The following HHATL variants were observed in gnomAD, a reference collection of about 807,000 sequenced individuals.
HHATL encodes hedgehog acyltransferase like, also known as protein-cysteine N-palmitoyltransferase HHAT-like protein.
HHATL carries 49 observed loss-of-function variants against 59.7 expected under a neutral mutation model. The observed-to-expected ratio is 0.82, with a 90% CI of 0.65 to 1.04. The LOEUF (loss-of-function observed/expected upper bound fraction) is 1.04. HHATL is among the 50% of genes least tolerant of loss of function. The pLI, the probability that HHATL is intolerant of heterozygous loss-of-function variation, is 0.00. For synonymous variants in HHATL, 238 were observed against 257.3 expected, an observed-to-expected ratio of 0.93 and a Z score of 0.72; for missense variants, 605 against 650.8, an observed-to-expected ratio of 0.93 and a Z score of 0.77.
rs1463866036 is a variant in HHATL, at chr3:42,700,775, C to G, written c.52G>C (p.Val18Leu). Residue 18 changes from valine (V) to leucine (L), a missense_variant, in exon 2 of 12, where the codon GTG (valine) becomes CTG (leucine). Val to Leu is a conservative substitution (Grantham distance 32). Coordinates refer to ENST00000441594, the MANE Select transcript of HHATL (RefSeq NM_020707.4). ...PAAELGLYSL[V>L]LSGALAYAGR... ...GCATAGGCCAGGGCCCCACTCAGCA[C>G]CAGAGAGTAGAGGCCCAGCTCAGCC... The G allele has an allele frequency of 6.2e-7, 1 of 1,613,796 alleles. No individual in the cohort carries two copies. Among genetic ancestry groups the G allele is most frequent in the Non-Finnish European group, 8.5e-7 (1 of 1,179,886 alleles).
At chr3:42,697,476 G>C (rs376136471) in intron 7 of HHATL, 32 bp downstream of exon 7, 1 of 1,600,860 alleles carries the variant, frequency 6.2e-7, no homozygotes, top group Admixed American at 1.7e-5. Context: ...TGGGGCGGCA[G>C]CCCTGCCCCC....
chr3:42,702,400 A>T (rs1457348898), intron 1 of HHATL, among the ~76,000 whole-genome samples, 179 bp downstream of exon 1: 1 of 151,894 alleles, frequency 6.6e-6, no homozygotes, highest in East Asian at 1.9e-4. Context: ...CTCCTGATAG[A>T]CCCCCAGACC....
chr3:42,696,685 A>G (rs1027057794), intron 9 of HHATL, among the ~76,000 whole-genome samples, 157 bp downstream of exon 9: 2 of 151,974 alleles, frequency 1.3e-5, no homozygotes, highest in African/African-American at 2.4e-5. Context: ...CCTAACTTCT[A>G]TATCTTTCAC....
intron 5 of HHATL, 82 bp from the exon 6 acceptor site, chr3:42,698,433 C>T (rs1697754882): frequency 7.6e-7 from 1 of 1,314,258 alleles, no homozygotes; most frequent in Non-Finnish European, 1.1e-6. Context: ...CCTAGCTTCC[C>T]ACAGGGGCCC....
At position 42,701,155 on chromosome 3, in the gene HHATL, C is replaced by A; in HGVS notation, c.-13-316G>T. ...ACCTTCCAGAGGCACCGGCCCCACC[C>A]TCTGCCAAAACCGCTCCTGCCAAGG... On this transcript the variant is annotated intron_variant, in intron 1 of 11. Transcript: ENST00000441594. This position sits in a 1 kb window ranked among gnomAD's most constrained non-coding sequence, Gnocchi z 5.1. 3.2e-6 allele frequency: 1 copy of A among 316,200 alleles called. No homozygotes were observed. Among genetic ancestry groups the A allele is most frequent in the Non-Finnish European group, 6.0e-6 (1 of 167,320 alleles). The allele number at this position is 316,200 out of a possible 1,614,324, so 19.6% of individuals were successfully genotyped here.
At chr3:42,697,301 G>T (rs373145258) in intron 7 of HHATL, among the ~76,000 whole-genome samples, 156 bp from the exon 8 acceptor site, 1 of 152,294 alleles carries the variant, frequency 6.6e-6, no homozygotes, top group African/African-American at 2.4e-5. Flanking sequence ...TGGTGAAGTG[G>T]GTGGGGTCCG....
intron 1 of HHATL, 38 bp from the exon 2 acceptor site, chr3:42,700,877 A>T (rs1487142623): frequency 7.2e-7 from 1 of 1,392,422 alleles, no homozygotes; most frequent in Non-Finnish European, 1.0e-6. Context: ...TACAGTCTCC[A>T]GCCAAGCCTA....
At chr3:42,698,465 C>G in intron 5 of HHATL, 114 bp from the exon 6 acceptor site, 2 of 1,071,564 alleles carry the variant, frequency 1.9e-6, no homozygotes, top group Non-Finnish European at 2.7e-6. Flanking sequence ...GTCCCTTCCT[C>G]TCTTCCAGAG....
intron 7 of HHATL, 48 bp downstream of exon 7, chr3:42,697,459 GT>G: frequency 6.3e-7 from 1 of 1,579,868 alleles, no homozygotes; most frequent in South Asian, 1.2e-5. Flanking sequence ...CAGAGGGTCT[GT>G]TTTCCTGGGG....
Position 42,692,804 on chromosome 3 carries a change from G to A in HHATL, c.1462C>T (p.Arg488Ter), listed in dbSNP as rs575198097. ...CGVQLVKERERTLALEEEQKQ... is the reference protein window; with the variant it reads ...CGVQLVKERE The stretch of plus-strand genomic sequence containing the variant: ...TGCTCCTCCTCCAGTGCCAAGGTTC[G>A]CTCACGCTCCTTTACCAGCTGGACG... The change falls in exon 12 of 12, where the codon CGA (arginine) becomes TGA (stop). Residue 488 changes from arginine (R) to a stop codon, truncating the protein, a stop_gained. Transcript: ENST00000441594. LOFTEE classifies it high-confidence loss of function. The A allele has an allele frequency of 2.3e-5, 37 of 1,614,188 alleles. No individual in the cohort carries two copies. Among genetic ancestry groups the A allele is most frequent in the Middle Eastern group, 3.3e-4 (2 of 6,062 alleles).
rs149595115 is a variant in HHATL, at chr3:42,693,745, C to T, written c.1120G>A (p.Ala374Thr). ...GGCCCAAGCCACAGTGTGGTGATGG[C>T]AAATGTGGCCACTGTGGCTGCCAGC... ...PELAATVATF[A>T]ITTLWLGPCD... The change falls in exon 10 of 12, where the codon GCC (alanine) becomes ACC (threonine). Residue 374 changes from alanine (A) to threonine (T), a missense_variant. Physicochemically the swap from Ala to Thr is moderately conservative, Grantham distance 58. Transcript: ENST00000441594. The T allele has an allele frequency of 7.3e-4, 1,183 of 1,614,154 alleles. 2 individuals carry two copies. The highest frequency in any genetic ancestry group is 9.7e-4 in the Non-Finnish European group (1,149 of 1,180,006).
At position 42,700,820 on chromosome 3, in the gene HHATL, T is replaced by A; in HGVS notation, c.7A>T (p.Ile3Phe). 1 of 1,613,266 alleles carries A rather than the reference T, an allele frequency of 6.2e-7. No individual in the cohort carries two copies. Among genetic ancestry groups the A allele is most frequent in the Non-Finnish European group, 8.5e-7 (1 of 1,179,338 alleles). Reference protein sequence around the residue: MGIKTALPAAELG... With the variant: MGFKTALPAAELG... Reference sequence around the variant, plus strand: ...TCAGCCGCCGGCAATGCTGTCTTGATGCCCATAGCCTGGACAGGGCTGGGG... The same window carrying A: ...TCAGCCGCCGGCAATGCTGTCTTGAAGCCCATAGCCTGGACAGGGCTGGGG... Residue 3 changes from isoleucine (I) to phenylalanine (F), a missense_variant, in exon 2 of 12, where the codon ATC (isoleucine) becomes TTC (phenylalanine). Transcript: ENST00000441594.
intron 2 of HHATL, among the ~76,000 whole-genome samples, chr3:42,700,136 C>T (rs550231274): frequency 9.6e-6 from 1 of 103,850 alleles, no homozygotes; most frequent in Admixed American, 1.0e-4. Context: ...GTCTAGGTCT[C>T]TGTGTGTGTG....
At chr3:42,700,278 CTGTG>C (rs1448176362) in intron 2 of HHATL, among the ~76,000 whole-genome samples, 3 of 138,110 alleles carry the variant, frequency 2.2e-5, no homozygotes, top group South Asian at 2.3e-4. Context: ...GTCCAGGTCT[CTGTG>C]TGTGTATGTG....
rs1420201759 is a variant in HHATL, at chr3:42,701,796, A to G, written c.-14+783T>C. ...CTTCCCAAGGACTCCATGGATACAG[A>G]CATAGGACCCAAATTAAAGGGAGGA... On this transcript the variant is annotated intron_variant, in intron 1 of 11. Coordinates refer to ENST00000441594, the MANE Select transcript of HHATL (RefSeq NM_020707.4). This position sits in a 1 kb window ranked among gnomAD's most constrained non-coding sequence, Gnocchi z 5.1. 6.6e-6 allele frequency among the ~76,000 whole-genome samples: 1 copy of G among 152,202 alleles called. No individual in the cohort carries two copies. Among genetic ancestry groups the G allele is most frequent in the Non-Finnish European group, 1.5e-5 (1 of 68,024 alleles).
Position 42,699,139 on chromosome 3 carries a change from C to A in HHATL, c.181G>T (p.Ala61Ser), listed in dbSNP as rs1697811896. The A allele has an allele frequency of 6.2e-7, 1 of 1,613,538 alleles. No homozygotes were observed. Among genetic ancestry groups the A allele is most frequent in the Non-Finnish European group, 8.5e-7 (1 of 1,179,592 alleles). Residue 61 changes from alanine to serine, a missense_variant, in exon 4 of 12, where the codon GCT becomes TCT. Ala to Ser is a moderately conservative substitution (Grantham distance 99). Coordinates refer to ENST00000441594, the MANE Select transcript of HHATL (RefSeq NM_020707.4). ...AACCACATCACCCACTCGAAGTCAG[C>A]CACATCCTGGGGCAGTCCGGGGCAG... Reference protein sequence around the residue: ...WEYIGRKMDVADFEWVMWFTS... With the variant: ...WEYIGRKMDVSDFEWVMWFTS...
chr3:42,695,553 A>G (rs554782645), intron 9 of HHATL, among the ~76,000 whole-genome samples: 2 of 152,270 alleles, frequency 1.3e-5, no homozygotes, highest in South Asian at 2.1e-4. Flanking sequence ...TGCAAGGGCC[A>G]CTGTATTCTT....
intron 8 of HHATL, 31 bp from the exon 9 acceptor site, chr3:42,696,908 C>T: frequency 6.2e-7 from 1 of 1,614,126 alleles, no homozygotes; most frequent in Non-Finnish European, 8.5e-7. Flanking sequence ...GGCATGTTGC[C>T]ATCAGGCGCA....
In HHATL at chr3:42,697,034, T is replaced by C. The variant is rs1245260446; in HGVS notation, c.977A>G (p.Lys326Arg). 1.3e-6 allele frequency: 2 copies of C among 1,599,438 alleles called. No individual in the cohort carries two copies. The highest frequency in any genetic ancestry group is 2.7e-5 in the African/African-American group (2 of 74,684). The change falls in exon 8 of 12, where the codon AAG becomes AGG. Residue 326 changes from lysine to arginine, a missense_variant. By Grantham distance (26) the Lys-to-Arg change is conservative. Coordinates refer to ENST00000441594, the MANE Select transcript of HHATL (RefSeq NM_020707.4). ...LDHLDPPQPP[K>R]CITALYVFAE... The stretch of plus-strand genomic sequence containing the variant: ...AAAGACGTAGAGTGCGGTGATGCAC[T>C]TGGGAGGCTGGGGTGGGTCCAGGTG...
Sources: allele counts gnomAD v4.1 joint callset (sites outside exome capture counted in the v4.1 genomes callset), GRCh38; gene constraint gnomAD v4.1.1; non-coding constraint Gnocchi (gnomAD v3.1); transcripts MANE v1.5; gene names NCBI Gene and HGNC (gene_info 2026-07-23, HGNC 2026-07-21).